Variants in FHL5 observed in about 807,000 individuals in gnomAD.
The protein encoded by FHL5 is four and a half LIM domains protein 5.
Under a neutral mutation model 32.0 loss-of-function variants are expected in FHL5, and 33 were observed. The observed-to-expected ratio is 1.03, with a 90% CI of 0.78 to 1.38. FHL5 has a LOEUF of 1.38. FHL5 is among the 40% of genes most tolerant of loss of function. The probability of loss-of-function intolerance (pLI) is 0.00; values close to 1 mark genes in which losing one functional copy is unlikely to be tolerated. For synonymous variants in FHL5, 114 were observed against 113.6 expected (o/e 1.00, Z -0.02); for missense variants, 336 against 343.9 (o/e 0.98, Z 0.18).
chr6:96,599,426 G>A (rs1020693033), intron 1 of FHL5, among the ~76,000 whole-genome samples: 7 of 151,930 alleles, frequency 4.6e-5, no homozygotes, highest in Admixed American at 6.6e-5. Flanking sequence ...AACTCACGAC[G>A]TCAGGTGATC....
At chr6:96,590,600 C>T (rs550890525) in intron 1 of FHL5, among the ~76,000 whole-genome samples, 6 of 152,068 alleles carry the variant, frequency 3.9e-5, no homozygotes, top group Middle Eastern at 3.4e-3. Flanking sequence ...TTTTCCCTCA[C>T]CTTACTGCAA....
At chr6:96,597,321 C>T (rs1267386406) in intron 1 of FHL5, among the ~76,000 whole-genome samples, 1 of 151,294 alleles carries the variant, frequency 6.6e-6, no homozygotes, top group Non-Finnish European at 1.5e-5. Flanking sequence ...AATGAATTTT[C>T]CCTTAAGGGG....
At chr6:96,611,668 C>T (rs1483254426) in intron 5 of FHL5, among the ~76,000 whole-genome samples, 5 of 152,182 alleles carry the variant, frequency 3.3e-5, no homozygotes, top group African/African-American at 9.6e-5. Flanking sequence ...CATTTTATCC[C>T]TTTCCTCCTT....
intron 4 of FHL5, among the ~76,000 whole-genome samples, chr6:96,606,860 T>C (rs1215115717): frequency 6.6e-6 from 1 of 152,174 alleles, no homozygotes; most frequent in Admixed American, 6.5e-5. Flanking sequence ...TGCAAATGTC[T>C]TCTTGACTTG....
chr6:96,603,941 A>G (rs532830457), intron 2 of FHL5, among the ~76,000 whole-genome samples, 169 bp downstream of exon 2: 7 of 152,326 alleles, frequency 4.6e-5, no homozygotes, highest in African/African-American at 1.7e-4. Flanking sequence ...ACTTAGCACT[A>G]TGAAATACAA....
chr6:96,610,757 TG>T lies in FHL5; in HGVS notation c.691+1del. The T allele has an allele frequency of 6.2e-7, 1 of 1,607,574 alleles. No individual in the cohort carries two copies. Among genetic ancestry groups the T allele is most frequent in the Non-Finnish European group, 8.5e-7 (1 of 1,175,080 alleles). On this transcript the variant is annotated frameshift_variant and splice_region_variant, in exon 5 of 6. Transcript: ENST00000450218. LOFTEE classifies it high-confidence loss of function. ...GTGTAGCCTGTTCCAAACCCATTAG[TG>T]GTGAGTTCTTCAGTTCAATATGATC... The part of the protein sequence containing the change: ...KCVACSKPIS[G>X]LTGAKFICFQ...
intron 1 of FHL5, among the ~76,000 whole-genome samples, chr6:96,573,711 C>T (rs1187462752): frequency 6.6e-5 from 10 of 151,468 alleles, no homozygotes; most frequent in South Asian, 2.1e-4. Flanking sequence ...TTAGTAGAGA[C>T]GGGGTTTCAC....
At chr6:96,610,810 G>A in intron 5 of FHL5, 52 bp downstream of exon 5, 2 of 1,272,994 alleles carry the variant, frequency 1.6e-6, no homozygotes, top group Non-Finnish European at 2.2e-6. Context: ...ATGACTTTAT[G>A]AAACACTATC....
intron 5 of FHL5, 56 bp downstream of exon 5, chr6:96,610,814 C>A: frequency 8.1e-7 from 1 of 1,233,376 alleles, no homozygotes; most frequent in Non-Finnish European, 1.1e-6. Context: ...CTTTATGAAA[C>A]ACTATCTAGT....
chr6:96,617,016 T>C lies in FHL5; in HGVS notation c.*1244T>C, dbSNP rs144222674. Among the ~76,000 whole-genome samples, 89 of 152,132 alleles carry C rather than the reference T, an allele frequency of 5.9e-4. 1 individual carries two copies. Among genetic ancestry groups the C allele is most frequent in the African/African-American group, 2.1e-3 (89 of 41,502 alleles). ...GTGCACTCCTAACCCTAAGCAACTG[T>C]CCTATAAGTCAGTCAGTGTTTATTG... On this transcript the variant is annotated 3_prime_UTR_variant, in exon 6 of 6. Transcript: ENST00000450218.
intron 4 of FHL5, among the ~76,000 whole-genome samples, chr6:96,609,725 A>G (rs1006062369): frequency 6.6e-6 from 1 of 152,172 alleles, no homozygotes; most frequent in African/African-American, 2.4e-5. Flanking sequence ...AGGATTTTCA[A>G]CTGCTTATCT....
intron 1 of FHL5, among the ~76,000 whole-genome samples, chr6:96,584,837 A>G (rs1462914749): frequency 6.6e-6 from 1 of 152,186 alleles, no homozygotes; most frequent in Non-Finnish European, 1.5e-5. Flanking sequence ...AATTAAACTA[A>G]TATTTAAATA....
At chr6:96,591,762 C>G (rs947009828) in intron 1 of FHL5, among the ~76,000 whole-genome samples, 1 of 152,004 alleles carries the variant, frequency 6.6e-6, no homozygotes, top group Non-Finnish European at 1.5e-5. Flanking sequence ...CATGTAGGTG[C>G]TTTTCTATTT....
chr6:96,604,916 T>C lies in FHL5; in HGVS notation c.326T>C (p.Ile109Thr), dbSNP rs765223813. Reference protein sequence around the residue: ...SSKCFHCKRTIMPGSRKMEFK... With the variant: ...SSKCFHCKRTTMPGSRKMEFK... ...AAGTGCTTCCACTGCAAGAGGACCATCATGCCTGGTAGGGTCTCAAGGGGG... is the reference window on the plus strand; with the variant it reads ...AAGTGCTTCCACTGCAAGAGGACCACCATGCCTGGTAGGGTCTCAAGGGGG... Residue 109 changes from isoleucine (I) to threonine (T), a missense_variant, in exon 3 of 6, where the codon ATC becomes ACC. Physicochemically the swap from Ile to Thr is moderately conservative, Grantham distance 89. Coordinates refer to ENST00000450218, the MANE Select transcript of FHL5 (RefSeq NM_001322466.2). 5.6e-6 allele frequency: 9 copies of C among 1,605,214 alleles called. No homozygotes were observed. Among genetic ancestry groups the C allele is most frequent in the Non-Finnish European group, 6.8e-6 (8 of 1,175,282 alleles).
At chr6:96,592,331 C>A (rs1393172899) in intron 1 of FHL5, among the ~76,000 whole-genome samples, 1 of 152,190 alleles carries the variant, frequency 6.6e-6, no homozygotes, top group African/African-American at 2.4e-5. Context: ...GATACTTCTC[C>A]CATTTGCTTT....
chr6:96,568,392 G>T (rs1770406511), intron 1 of FHL5, among the ~76,000 whole-genome samples: 3 of 151,720 alleles, frequency 2.0e-5, no homozygotes, highest in African/African-American at 7.3e-5. Flanking sequence ...TTGCATCTAT[G>T]CTCATCATGT....
intron 1 of FHL5, among the ~76,000 whole-genome samples, chr6:96,593,874 A>C (rs1770972704): frequency 2.0e-5 from 3 of 152,080 alleles, no homozygotes; most frequent in Admixed American, 2.0e-4. Context: ...CTAGTGGTTC[A>C]CAGCAGCCTC....
intron 1 of FHL5, among the ~76,000 whole-genome samples, chr6:96,591,876 T>G (rs1770925938): frequency 6.6e-6 from 1 of 152,034 alleles, no homozygotes; most frequent in Admixed American, 6.6e-5. Flanking sequence ...ATAGGTTCCG[T>G]GATGTCCCCT....
At chr6:96,594,271 A>ATATATATATATT (rs1554176523) in intron 1 of FHL5, among the ~76,000 whole-genome samples, 1 of 72,926 alleles carries the variant, frequency 1.4e-5, no homozygotes, top group African/African-American at 4.6e-5. Context: ...ATATATATAT[A>ATATATATATATT]TATGTATGTA....
Sources: allele counts gnomAD v4.1 joint callset (sites outside exome capture counted in the v4.1 genomes callset), GRCh38; gene constraint gnomAD v4.1.1; transcripts MANE v1.5; gene names NCBI Gene and HGNC (gene_info 2026-07-23, HGNC 2026-07-21).